IL6ST: variants seen among roughly 807,000 people sequenced by gnomAD.
IL6ST encodes interleukin 6 cytokine family signal transducer.
Under a neutral mutation model 91.3 loss-of-function variants are expected in IL6ST, and 24 were observed. That is an observed-to-expected ratio of 0.26 (90% confidence interval 0.19 to 0.37). The LOEUF (loss-of-function observed/expected upper bound fraction) is 0.37. Among genes scored for constraint, IL6ST ranks in the 10% least tolerant of loss-of-function variants. The probability of loss-of-function intolerance (pLI) is 1.00; values close to 1 mark genes in which losing one functional copy is unlikely to be tolerated. For missense variants in IL6ST, 914 were observed against 1,078.5 expected (o/e 0.85, Z 2.14); for synonymous variants, 351 against 373.6 (o/e 0.94, Z 0.70).
At chr5:55,949,798 T>G (rs1021734745) in intron 14 of IL6ST, among the ~76,000 whole-genome samples, 1 of 152,184 alleles carries the variant, frequency 6.6e-6, no homozygotes, top group African/African-American at 2.4e-5. Flanking sequence ...CAGCAAGCAT[T>G]CAACCAACAA....
At chr5:55,989,154 CAG>C (rs1754169030) in intron 1 of IL6ST, among the ~76,000 whole-genome samples, 2 of 115,558 alleles carry the variant, frequency 1.7e-5, no homozygotes, top group Admixed American at 8.4e-5. Context: ...AAAAGTCTCG[CAG>C]AAAAAAAAAA....
rs1386018067 is a variant in IL6ST at position 55,937,261 on chromosome 5, T to C, written c.*3821A>G. ...GGGTAATGAAGTTAAACTAACCAGTTTGTACAAACTATTGACTGAGAAAAA... is the reference window on the plus strand; with the variant it reads ...GGGTAATGAAGTTAAACTAACCAGTCTGTACAAACTATTGACTGAGAAAAA... On this transcript the variant is annotated 3_prime_UTR_variant, in exon 17 of 17. Coordinates refer to ENST00000381298, the MANE Select transcript of IL6ST (RefSeq NM_002184.4). 3 of 214,182 alleles carry C rather than the reference T, an allele frequency of 1.4e-5. No homozygotes were observed. The highest frequency in any genetic ancestry group is 1.2e-4 in the Admixed American group (2 of 17,114). The allele number at this position is 214,182 out of a possible 1,614,324, so 13.3% of individuals were successfully genotyped here.
rs577455431 is a variant in IL6ST at position 55,940,580 on chromosome 5, C to T, written c.*502G>A. 3 of 213,496 alleles carry T rather than the reference C, an allele frequency of 1.4e-5. No individual in the cohort carries two copies. The highest frequency in any genetic ancestry group is 6.8e-5 in the African/African-American group (3 of 44,338). The allele number at this position is 213,496 out of a possible 1,614,324, so 13.2% of individuals were successfully genotyped here. ...TCATTTTTTTGTCAGATTACAAAAG[C>T]TGGGCTCATGTAGTTATGGCCTATG... On this transcript the variant is annotated 3_prime_UTR_variant, in exon 17 of 17. Coordinates refer to ENST00000381298, the MANE Select transcript of IL6ST (RefSeq NM_002184.4).
At chr5:55,977,263 CTT>C (rs201187036) in intron 2 of IL6ST, among the ~76,000 whole-genome samples, 2 of 146,630 alleles carry the variant, frequency 1.4e-5, no homozygotes, top group African/African-American at 5.0e-5. Flanking sequence ...ACAGGAAATT[CTT>C]TTTTTTTTTA....
intron 11 of IL6ST, among the ~76,000 whole-genome samples, chr5:55,953,854 G>A (rs1751796605): frequency 6.6e-6 from 1 of 152,194 alleles, no homozygotes; most frequent in Non-Finnish European, 1.5e-5. Context: ...GAGTGTGGCA[G>A]CATGTGCCTG....
Position 55,975,605 on chromosome 5 carries a change from T to C in IL6ST, c.64+610A>G, listed in dbSNP as rs1443481005. ...CCCAGACTGAATTCCTGGACTCAAG[T>C]TATTTTCCTGCCTATGCCTCCCAAG... On this transcript the variant is annotated intron_variant, in intron 3 of 16. Transcript: ENST00000381298. Among the ~76,000 whole-genome samples, 2 of 152,110 alleles carry C rather than the reference T, an allele frequency of 1.3e-5. 1 individual carries two copies. Among genetic ancestry groups the C allele is most frequent in the Admixed American group, 1.3e-4 (2 of 15,264 alleles).
At chr5:55,967,642 A>G (rs972651754) in intron 5 of IL6ST, among the ~76,000 whole-genome samples, 1 of 152,102 alleles carries the variant, frequency 6.6e-6, no homozygotes, top group African/African-American at 2.4e-5. Flanking sequence ...GCATACTGAA[A>G]TATCTTTGGA....
chr5:55,953,568 T>A (rs1414226564), intron 11 of IL6ST, among the ~76,000 whole-genome samples: 2 of 152,254 alleles, frequency 1.3e-5, no homozygotes, highest in Admixed American at 1.3e-4. Context: ...TTTGTTTTAG[T>A]AGAGACGGAG....
rs2111747486 is a variant in IL6ST at position 55,960,662 on chromosome 5, C to T, written c.814-101G>A. The stretch of plus-strand genomic sequence containing the variant: ...TTTTTTTTTGAGGCACAGCCTTGCT[C>T]TGTTGCCCAGGTTGGAGTGCAGTGG... On this transcript the variant is annotated intron_variant, in intron 7 of 16. Transcript: ENST00000381298. 10 of 1,135,180 alleles carry T rather than the reference C, an allele frequency of 8.8e-6. 1 individual carries two copies. In the South Asian group the frequency reaches 1.5e-4, roughly 17 times the overall value. The allele number at this position is 1,135,180 out of a possible 1,614,324, so 70.3% of individuals were successfully genotyped here.
intron 15 of IL6ST, among the ~76,000 whole-genome samples, chr5:55,945,030 G>T (rs6875110): frequency 7.1e-6 from 1 of 140,606 alleles, no homozygotes. Flanking sequence ...TTTTAGCTGA[G>T]GAATTAAATC....
intron 4 of IL6ST, 88 bp from the exon 5 acceptor site, chr5:55,968,484 A>G: frequency 1.3e-5 from 16 of 1,249,986 alleles, no homozygotes; most frequent in Non-Finnish European, 1.8e-5. Context: ...TTTGCGATCT[A>G]AATTAGATGA....
rs2111639293 is a variant in IL6ST, at chr5:55,947,558, A to G, written c.1872T>C (p.Pro624=). The G allele has an allele frequency of 6.6e-7, 1 of 1,526,308 alleles. No individual in the cohort carries two copies. The highest frequency in any genetic ancestry group is 9.0e-7 in the Non-Finnish European group (1 of 1,114,312). The allele number at this position is 1,526,308 out of a possible 1,614,324, so 94.5% of individuals were successfully genotyped here. A position where few individuals can be genotyped will look rare whatever the true frequency, so the allele number is the denominator to read the frequency against. The stretch of plus-strand genomic sequence containing the variant: ...TTGTCAATAGGAATGCTAAGCAAAC[A>G]GGCACGACTATGGCTTCAATTTCTC... The part of the protein sequence containing the change: ...AQGEIEAIVV[P]VCLAFLLTTL... Residue 624 remains proline (P), a synonymous_variant, in exon 15 of 17, where the codon CCT becomes CCC. Transcript: ENST00000381298.
At chr5:55,969,985 C>G (rs1002444285) in intron 3 of IL6ST, 130 bp from the exon 4 acceptor site, 1 of 555,198 alleles carries the variant, frequency 1.8e-6, no homozygotes, top group African/African-American at 1.9e-5. Context: ...CAGAAAAAGA[C>G]AATACACAAC....
chr5:55,954,511 C>G (rs1190046592), intron 11 of IL6ST, among the ~76,000 whole-genome samples: 1 of 152,180 alleles, frequency 6.6e-6, no homozygotes, highest in Non-Finnish European at 1.5e-5. Context: ...TATAACTAAT[C>G]AGCAGCAAAG....
intron 5 of IL6ST, among the ~76,000 whole-genome samples, chr5:55,966,625 A>G (rs774517614): frequency 8.1e-4 from 124 of 152,246 alleles, no homozygotes; most frequent in Non-Finnish European, 1.2e-3. Context: ...AGGGTGAGGT[A>G]TATTAATGAC....
intron 7 of IL6ST, 28 bp downstream of exon 7, chr5:55,963,324 T>C: frequency 6.7e-7 from 1 of 1,499,536 alleles, no homozygotes; most frequent in South Asian, 1.2e-5. Context: ...AGAAGGACTA[T>C]TTGAATAAAC....
In IL6ST at chr5:55,936,364, T is replaced by TTA. The variant is rs375868893; in HGVS notation, c.*4717_*4718insTA. ...AGGTTTTTTTTTTTTTTTTTTTTTT[T>TTA]AATGTCCACTAGGAGGGAGGATGCT... On this transcript the variant is annotated 3_prime_UTR_variant, in exon 17 of 17. Coordinates refer to ENST00000381298, the MANE Select transcript of IL6ST (RefSeq NM_002184.4). 2,874 of 187,296 alleles carry TTA rather than the reference T, an allele frequency of 0.015. 46 individuals carry two copies. Among genetic ancestry groups the TTA allele is most frequent in the African/African-American group, 0.051 (1,967 of 38,712 alleles). 11.6% of individuals were successfully genotyped at this position (187,296 alleles called of 1,614,324 possible). A position where few individuals can be genotyped will look rare whatever the true frequency, so the allele number is the denominator to read the frequency against.
At chr5:55,959,601 A>AGAAAAAAG (rs1752184681) in intron 8 of IL6ST, 1 of 1,216,528 alleles carries the variant, frequency 8.2e-7, no homozygotes, top group Non-Finnish European at 1.1e-6. Flanking sequence ...TATCTATAGG[A>AGAAAAAAG]GAAAAAAGGA....
intron 1 of IL6ST, among the ~76,000 whole-genome samples, chr5:55,985,942 T>A (rs1247116355): frequency 6.6e-6 from 1 of 152,238 alleles, no homozygotes; most frequent in Non-Finnish European, 1.5e-5. Context: ...GTTCTAACAG[T>A]ACTTTATGAA....
Sources: gnomAD v4.1 joint callset for allele counts (sites outside exome capture counted in the v4.1 genomes callset) on GRCh38, gnomAD v4.1.1 for gene constraint, MANE v1.5 for transcripts, NCBI Gene and HGNC (gene_info 2026-07-23, HGNC 2026-07-21) for gene names.